The following EYA4 variants were observed in gnomAD, a reference collection of about 807,000 sequenced individuals.
EYA4 encodes EYA transcriptional coactivator and phosphatase 4.
Under a neutral mutation model 87.9 loss-of-function variants are expected in EYA4, and 31 were observed. The ratio of observed to expected loss-of-function variants is 0.35; its 90% CI spans 0.27 to 0.48. The LOEUF (loss-of-function observed/expected upper bound fraction) is 0.48, where lower values mean the gene tolerates loss of function less well. Among genes scored for constraint, EYA4 ranks in the 20% least tolerant of loss-of-function variants. The pLI is 0.99. For missense variants in EYA4, 678 were observed against 761.4 expected, an observed-to-expected ratio of 0.89 and a Z score of 1.29; for synonymous variants, 263 against 270.6, an observed-to-expected ratio of 0.97 and a Z score of 0.28.
At chr6:133,452,873 A>T (rs1296919900) in intron 5 of EYA4, 1 of 152,084 alleles carries the variant, frequency 6.6e-6, no homozygotes, top group Non-Finnish European at 1.5e-5. Flanking sequence ...TACTTTGAAG[A>T]TACAGAATAA....
intron 13 of EYA4, among the ~76,000 whole-genome samples, chr6:133,501,692 C>A (rs1798127038): frequency 1.3e-5 from 2 of 151,998 alleles, no homozygotes; most frequent in Admixed American, 6.6e-5. Context: ...CATGTCTACA[C>A]ATATGCTACG....
intron 2 of EYA4, among the ~76,000 whole-genome samples, chr6:133,278,142 C>T (rs1352386125): frequency 6.6e-6 from 1 of 151,918 alleles, no homozygotes; most frequent in Non-Finnish European, 1.5e-5. Flanking sequence ...TTCTGAATCT[C>T]CCAGGTTCTC....
intron 2 of EYA4, among the ~76,000 whole-genome samples, chr6:133,343,832 C>A (rs1195380896): frequency 6.6e-6 from 1 of 151,742 alleles, no homozygotes. Flanking sequence ...ATGTAAAAGT[C>A]CACATAAGTG....
intron 2 of EYA4, among the ~76,000 whole-genome samples, chr6:133,277,569 T>C (rs866734730): frequency 6.6e-6 from 1 of 152,236 alleles, no homozygotes; most frequent in African/African-American, 2.4e-5. Flanking sequence ...TGTTAGCTGC[T>C]ATCACAAATA....
intron 11 of EYA4, among the ~76,000 whole-genome samples, chr6:133,478,188 G>A (rs1039477676): frequency 6.6e-6 from 1 of 152,084 alleles, no homozygotes; most frequent in African/African-American, 2.4e-5. Context: ...AAAATGAGCA[G>A]TGGGTTAGCA....
chr6:133,528,155 G>A (rs1268052664), intron 19 of EYA4, among the ~76,000 whole-genome samples: 2 of 152,080 alleles, frequency 1.3e-5, no homozygotes, highest in Non-Finnish European at 2.9e-5. Flanking sequence ...AAATCAGGTC[G>A]ACTCTACTGG....
chr6:133,403,728 CATATA>C (rs1264095339), intron 3 of EYA4, among the ~76,000 whole-genome samples: 1 of 152,196 alleles, frequency 6.6e-6, no homozygotes, highest in Non-Finnish European at 1.5e-5. Context: ...ACTAAACTCT[CATATA>C]AGGAAGGAAG....
chr6:133,507,380 C>CT (rs5880183), intron 14 of EYA4: 149,486 of 149,868 alleles, frequency 1, 74,554 homozygotes, highest in African/African-American at 1. Context: ...ACTTAAATAA[C>CT]TTTTTTTTTT....
At chr6:133,255,085 GAGTT>G (rs1775232146) in intron 1 of EYA4, among the ~76,000 whole-genome samples, 1 of 152,170 alleles carries the variant, frequency 6.6e-6, no homozygotes, top group Non-Finnish European at 1.5e-5. Flanking sequence ...TCGCCTCATG[GAGTT>G]GTAAGGAATA....
intron 2 of EYA4, among the ~76,000 whole-genome samples, chr6:133,355,852 A>G (rs894615910): frequency 3.3e-5 from 5 of 152,196 alleles, no homozygotes; most frequent in African/African-American, 1.2e-4. Context: ...TGTATTACAT[A>G]GTTGCATATT....
In EYA4 at chr6:133,513,056, A is replaced by C; in HGVS notation, c.1501+18A>C. 6.2e-7 allele frequency: 1 copy of C among 1,609,782 alleles called. No homozygotes were observed. The highest frequency in any genetic ancestry group is 8.5e-7 in the Non-Finnish European group (1 of 1,176,128). On this transcript the variant is annotated intron_variant, in intron 16 of 19. Transcript: ENST00000355286. ...CGTTGGAGGTATGTGTGGCTTTTTC[A>C]ATCTAACAAAGGTACTCTGGGTATA...
chr6:133,436,412 C>T (rs1303608672), intron 3 of EYA4, among the ~76,000 whole-genome samples: 1 of 152,108 alleles, frequency 6.6e-6, no homozygotes, highest in Admixed American at 6.5e-5. Flanking sequence ...CATTTGATTC[C>T]ATGTAACCAA....
chr6:133,415,563 T>A (rs1245767540), intron 3 of EYA4, among the ~76,000 whole-genome samples: 1 of 152,208 alleles, frequency 6.6e-6, no homozygotes, highest in Non-Finnish European at 1.5e-5. Flanking sequence ...ATGAGACACA[T>A]GTGCCAATTA....
chr6:133,468,334 A>C (rs531242786), intron 10 of EYA4, among the ~76,000 whole-genome samples: 1 of 152,196 alleles, frequency 6.6e-6, no homozygotes, highest in African/African-American at 2.4e-5. Flanking sequence ...ATCACATTAA[A>C]ATTTGTGTAC....
At chr6:133,271,764 G>T (rs982461722) in intron 1 of EYA4, among the ~76,000 whole-genome samples, 1 of 152,152 alleles carries the variant, frequency 6.6e-6, no homozygotes, top group Non-Finnish European at 1.5e-5. Context: ...TTGTTCATGG[G>T]CCCATTGGGC....
chr6:133,391,222 G>GTTTTTTTTTTTTTTTT (rs531819011), intron 3 of EYA4, among the ~76,000 whole-genome samples: 3 of 89,830 alleles, frequency 3.3e-5, no homozygotes, highest in African/African-American at 9.9e-5. Flanking sequence ...TTTTGTTTTT[G>GTTTTTTTTTTTTTTTT]TTTTTTTTTT....
At chr6:133,483,543 ATGAG>A (rs1256364481) in intron 13 of EYA4, among the ~76,000 whole-genome samples, 3 of 151,922 alleles carry the variant, frequency 2.0e-5, no homozygotes, top group African/African-American at 4.8e-5. Flanking sequence ...GGATTTATGA[ATGAG>A]TGTTTTTTCT....
intron 5 of EYA4, chr6:133,453,608 T>A (rs1376111216): frequency 1.3e-5 from 2 of 152,130 alleles, no homozygotes. Context: ...TGGGACTTAC[T>A]TAGAGATCAA....
intron 1 of EYA4, among the ~76,000 whole-genome samples, chr6:133,252,634 T>TA (rs1236737791): frequency 6.6e-6 from 1 of 152,186 alleles, no homozygotes; most frequent in Admixed American, 6.5e-5. Flanking sequence ...AATGTTCACA[T>TA]AAAGTGAGAG....
Sources: allele counts gnomAD v4.1 joint callset (sites outside exome capture counted in the v4.1 genomes callset), GRCh38; gene constraint gnomAD v4.1.1; transcripts MANE v1.5; gene names NCBI Gene and HGNC (gene_info 2026-07-23, HGNC 2026-07-21).